The following PM20D2 variants were observed in gnomAD, a reference collection of about 807,000 sequenced individuals.
PM20D2 encodes xaa-Arg dipeptidase.
In PM20D2, 33 loss-of-function variants were observed where a neutral mutation model predicts 42.9. The observed-to-expected ratio is 0.77, with a 90% CI of 0.58 to 1.03. The LOEUF is 1.03. Ranked by LOEUF, PM20D2 falls within the 50% of genes least tolerant of loss-of-function variation. PM20D2 has a pLI of 0.00. For missense variants in PM20D2, 548 were observed against 557.0 expected (o/e 0.98, Z 0.16); for synonymous variants, 250 against 228.2 (o/e 1.10, Z -0.86).
At chr6:89,126,688 AG>A in the PM20D2 span, among the ~76,000 whole-genome samples, 4 of 149,976 alleles carry the variant, frequency 2.7e-5, no homozygotes, top group African/African-American at 4.9e-5. Flanking sequence ...AAAAAAAAAA[AG>A]GAGTTATTAG....
the PM20D2 span, chr6:89,105,653 CAATAT>C: frequency 1.4e-5 from 9 of 641,992 alleles, no homozygotes; most frequent in Non-Finnish European, 2.0e-5. Context: ...CTCACATCTT[CAATAT>C]AATATGAATA....
chr6:89,124,217 C>G, the PM20D2 span, among the ~76,000 whole-genome samples: 1 of 152,050 alleles, frequency 6.6e-6, no homozygotes, highest in Admixed American at 6.6e-5. Context: ...AGGGCCTAGT[C>G]TGGGCAACAT....
chr6:89,146,119 C>T lies in PM20D2; in HGVS notation c.-26C>T, dbSNP rs749989909. 19 of 1,417,208 alleles carry T rather than the reference C, an allele frequency of 1.3e-5. No homozygotes were observed. The South Asian group carries it at 2.6e-4, about 20-fold the overall frequency. The allele number at this position is 1,417,208 out of a possible 1,614,324, so 87.8% of individuals were successfully genotyped here. A position where few individuals can be genotyped will look rare whatever the true frequency, so the allele number is the denominator to read the frequency against. On this transcript the variant is annotated 5_prime_UTR_variant, in exon 1 of 7. Coordinates refer to ENST00000275072, the MANE Select transcript of PM20D2 (RefSeq NM_001010853.3). ...GCGGCCGAGCCAGGGAGCGAGAGGG[C>T]GCAGAGGGCAGCGGGCTTGGGCAGC...
upstream of PM20D2, chr6:89,145,931 G>A (rs1562243103): frequency 5.0e-6 from 2 of 403,396 alleles, no homozygotes; most frequent in Non-Finnish European, 8.6e-6. Context: ...ACCCCACGGC[G>A]GGGCAGAGCG....
the PM20D2 span, chr6:89,117,733 G>T: frequency 7.6e-7 from 1 of 1,317,266 alleles, no homozygotes; most frequent in South Asian, 1.7e-5. Context: ...CAGCTCCCCC[G>T]AGCCTCCGCC....
chr6:89,149,170 T>A (rs549322257), intron 1 of PM20D2, 95 bp from the exon 2 acceptor site: 95 of 1,444,018 alleles, frequency 6.6e-5, no homozygotes, highest in Non-Finnish European at 8.7e-5. Context: ...TTAAGGACTT[T>A]AATGTAGATT....
the PM20D2 span, among the ~76,000 whole-genome samples, chr6:89,101,085 G>C: frequency 6.7e-6 from 1 of 149,268 alleles, no homozygotes; most frequent in Non-Finnish European, 1.5e-5. Context: ...CCCCAACCTG[G>C]GCAACAAGAG....
the PM20D2 span, among the ~76,000 whole-genome samples, chr6:89,130,950 GC>G: frequency 8.9e-4 from 132 of 148,256 alleles, 1 homozygote; most frequent in African/African-American, 3.1e-3. Context: ...CAATCCACTG[GC>G]CTTGGCCTCT....
upstream of PM20D2, among the ~76,000 whole-genome samples, chr6:89,143,955 CAG>C (rs1229163990): frequency 3.2e-4 from 48 of 152,262 alleles, no homozygotes; most frequent in African/African-American, 1.1e-3. Context: ...TTTATTAACA[CAG>C]AGGAAATGCT....
At chr6:89,127,420 C>T in the PM20D2 span, among the ~76,000 whole-genome samples, 2 of 151,770 alleles carry the variant, frequency 1.3e-5, no homozygotes, top group Non-Finnish European at 2.9e-5. Context: ...ACCTCTGCCT[C>T]CCGGGTTCAA....
chr6:89,123,805 T>G, the PM20D2 span, among the ~76,000 whole-genome samples: 1,064 of 150,586 alleles, frequency 7.1e-3, 6 homozygotes, highest in Non-Finnish European at 0.011. Context: ...TTTGGGAGGC[T>G]GAGGCAGGAT....
chr6:89,110,953 CA>C, the PM20D2 span, among the ~76,000 whole-genome samples: 1 of 151,588 alleles, frequency 6.6e-6, no homozygotes, highest in African/African-American at 2.4e-5. Flanking sequence ...CCCATCTCTA[CA>C]AAAAATAAAA....
the PM20D2 span, among the ~76,000 whole-genome samples, chr6:89,117,404 G>A: frequency 3.3e-5 from 5 of 152,218 alleles, no homozygotes; most frequent in African/African-American, 1.2e-4. Context: ...CTCCATCTAG[G>A]AGGGTTGGAT....
At chr6:89,145,799 C>T (rs905382870), upstream of PM20D2, among the ~76,000 whole-genome samples, 10 of 152,212 alleles carry the variant, frequency 6.6e-5, no homozygotes, top group Non-Finnish European at 7.3e-5. Context: ...TCTCATTCTG[C>T]TGCTGTGGGA....
At chr6:89,112,571 C>T in the PM20D2 span, among the ~76,000 whole-genome samples, 2 of 149,044 alleles carry the variant, frequency 1.3e-5, no homozygotes, top group African/African-American at 2.5e-5. Flanking sequence ...CATCACCATG[C>T]CCGGCTAACT....
the PM20D2 span, among the ~76,000 whole-genome samples, chr6:89,135,192 TACC>T: frequency 3.3e-5 from 5 of 151,356 alleles, no homozygotes; most frequent in African/African-American, 1.2e-4. Flanking sequence ...CAGAAAAATA[TACC>T]ACTTCTCCTT....
At chr6:89,139,484 G>C in the PM20D2 span, among the ~76,000 whole-genome samples, 1 of 152,184 alleles carries the variant, frequency 6.6e-6, no homozygotes, top group African/African-American at 2.4e-5. Context: ...AAAGTGCTGG[G>C]ATTATAGGCG....
At chr6:89,136,571 G>A in the PM20D2 span, among the ~76,000 whole-genome samples, 10 of 150,678 alleles carry the variant, frequency 6.6e-5, no homozygotes, top group African/African-American at 1.7e-4. Flanking sequence ...CCAGCTACTC[G>A]GGAGGCTGAG....
chr6:89,156,065 T>C (rs1771040070), intron 4 of PM20D2, among the ~76,000 whole-genome samples: 1 of 152,028 alleles, frequency 6.6e-6, no homozygotes, highest in African/African-American at 2.4e-5. Context: ...TTTGTATCTT[T>C]AGTAGAGACG....
Sources: gnomAD v4.1 joint callset for allele counts (sites outside exome capture counted in the v4.1 genomes callset) on GRCh38, gnomAD v4.1.1 for gene constraint, MANE v1.5 for transcripts, NCBI Gene and HGNC (gene_info 2026-07-23, HGNC 2026-07-21) for gene names.